CFAP299: variants seen among roughly 807,000 people sequenced by gnomAD.
CFAP299 encodes the protein cilia and flagella associated protein 299, also known as cilia- and flagella-associated protein 299.
Under a neutral mutation model 27.0 loss-of-function variants are expected in CFAP299, and 21 were observed. The ratio of observed to expected loss-of-function variants is 0.78; its 90% CI spans 0.55 to 1.12. CFAP299 has a LOEUF of 1.12. Ranked by LOEUF, CFAP299 falls within the 50% of genes most tolerant of loss-of-function variation. CFAP299 has a pLI of 0.00. For synonymous variants in CFAP299, 104 were observed against 98.1 expected (o/e 1.06, Z -0.36); for missense variants, 310 against 276.6 (o/e 1.12, Z -0.86).
intron 3 of CFAP299, among the ~76,000 whole-genome samples, chr4:80,823,066 C>G (rs928564898): frequency 2.8e-4 from 42 of 152,172 alleles, no homozygotes; most frequent in African/African-American, 9.7e-4. Flanking sequence ...TGAGCATGAC[C>G]TGAAGCTGGA....
At chr4:80,416,064 T>C (rs1726985914) in intron 2 of CFAP299, among the ~76,000 whole-genome samples, 3 of 152,344 alleles carry the variant, frequency 2.0e-5, no homozygotes, top group African/African-American at 7.2e-5. Context: ...GAAATTACTC[T>C]AAAGCCTTTT....
At chr4:80,638,596 A>C (rs571186487) in intron 3 of CFAP299, among the ~76,000 whole-genome samples, 67 of 152,326 alleles carry the variant, frequency 4.4e-4, no homozygotes, top group African/African-American at 1.6e-3. Context: ...GAATATAAGG[A>C]TGCAGCTACA....
chr4:80,379,952 C>T (rs1411153443), intron 2 of CFAP299, among the ~76,000 whole-genome samples: 1 of 152,018 alleles, frequency 6.6e-6, no homozygotes, highest in African/African-American at 2.4e-5. Flanking sequence ...CCTACTGTAT[C>T]CTTACTGATT....
intron 3 of CFAP299, chr4:80,648,872 A>C (rs1265119557): frequency 6.6e-6 from 1 of 152,136 alleles, no homozygotes; most frequent in Non-Finnish European, 1.5e-5. Flanking sequence ...TTTCTTTATC[A>C]GAAGATGTTT....
At chr4:80,436,859 T>G (rs1352148517) in intron 2 of CFAP299, among the ~76,000 whole-genome samples, 1 of 152,146 alleles carries the variant, frequency 6.6e-6, no homozygotes, top group Non-Finnish European at 1.5e-5. Context: ...ACATTGAAGG[T>G]GTTGATATTT....
intron 2 of CFAP299, among the ~76,000 whole-genome samples, chr4:80,565,848 G>T (rs1735256427): frequency 6.6e-6 from 1 of 152,112 alleles, no homozygotes; most frequent in African/African-American, 2.4e-5. Flanking sequence ...AATGAGTTAT[G>T]TTGGGGTTTT....
At chr4:80,699,121 G>T (rs986612766) in intron 3 of CFAP299, among the ~76,000 whole-genome samples, 1 of 152,094 alleles carries the variant, frequency 6.6e-6, no homozygotes, top group Non-Finnish European at 1.5e-5. Context: ...TTCTAATTCT[G>T]ATGCTTCTTC....
chr4:80,634,229 G>A (rs927161999), intron 3 of CFAP299, among the ~76,000 whole-genome samples: 3 of 152,032 alleles, frequency 2.0e-5, no homozygotes, highest in East Asian at 3.9e-4. Flanking sequence ...TGATCTGCCC[G>A]CCTCGGCCTC....
intron 5 of CFAP299, among the ~76,000 whole-genome samples, chr4:80,961,144 G>T (rs1738324895): frequency 6.6e-6 from 1 of 151,368 alleles, no homozygotes; most frequent in Non-Finnish European, 1.5e-5. Flanking sequence ...TCTGAATAAT[G>T]ATTCAATTTA....
At chr4:80,627,873 T>C (rs1738990591) in intron 3 of CFAP299, among the ~76,000 whole-genome samples, 1 of 152,044 alleles carries the variant, frequency 6.6e-6, no homozygotes, top group Admixed American at 6.6e-5. Context: ...TGTTCATAGA[T>C]TGGAAGATTT....
chr4:80,808,164 C>T (rs1728960601), intron 3 of CFAP299, among the ~76,000 whole-genome samples: 1 of 151,976 alleles, frequency 6.6e-6, no homozygotes, highest in Non-Finnish European at 1.5e-5. Context: ...CATTTTGATA[C>T]CGAAATAGTG....
intron 3 of CFAP299, among the ~76,000 whole-genome samples, chr4:80,808,246 C>T (rs1459108985): frequency 1.3e-5 from 2 of 151,940 alleles, no homozygotes; most frequent in Admixed American, 6.6e-5. Flanking sequence ...TTGACAAAAC[C>T]ATGTTTATTC....
chr4:80,954,692 C>T (rs1318937132), intron 5 of CFAP299, among the ~76,000 whole-genome samples: 1 of 151,904 alleles, frequency 6.6e-6, no homozygotes, highest in East Asian at 1.9e-4. Flanking sequence ...GGGGGGACAA[C>T]TTATTTTTAA....
At chr4:80,343,369 A>G (rs1188815553) in intron 1 of CFAP299, among the ~76,000 whole-genome samples, 1 of 152,238 alleles carries the variant, frequency 6.6e-6, no homozygotes, top group Non-Finnish European at 1.5e-5. Context: ...AACAGAATAT[A>G]CATTCTTCTC....
chr4:80,684,102 T>C (rs1290267632), intron 3 of CFAP299, among the ~76,000 whole-genome samples: 14 of 152,236 alleles, frequency 9.2e-5, no homozygotes, highest in Non-Finnish European at 2.9e-5. Flanking sequence ...CTATTACAGT[T>C]GTCCATATCT....
At chr4:80,404,113 T>A (rs1245247507) in intron 2 of CFAP299, among the ~76,000 whole-genome samples, 1 of 152,180 alleles carries the variant, frequency 6.6e-6, no homozygotes, top group Non-Finnish European at 1.5e-5. Flanking sequence ...ATATATCTTT[T>A]AAAAACTTAT....
intron 2 of CFAP299, among the ~76,000 whole-genome samples, chr4:80,515,401 G>A (rs1276403144): frequency 6.6e-6 from 1 of 152,112 alleles, no homozygotes; most frequent in African/African-American, 2.4e-5. Flanking sequence ...CATGCTAATT[G>A]CTATGCTCTC....
At chr4:80,857,065 C>A (rs1415312674) in intron 3 of CFAP299, among the ~76,000 whole-genome samples, 1 of 152,074 alleles carries the variant, frequency 6.6e-6, no homozygotes, top group African/African-American at 2.4e-5. Context: ...TTGTTTGTAT[C>A]CTCTTTTATT....
intron 3 of CFAP299, among the ~76,000 whole-genome samples, chr4:80,594,998 C>A (rs996677962): frequency 6.6e-6 from 1 of 152,140 alleles, no homozygotes; most frequent in Non-Finnish European, 1.5e-5. Context: ...CACCAAGTCC[C>A]AAGCTATGTG....
Sources: allele counts gnomAD v4.1 joint callset (sites outside exome capture counted in the v4.1 genomes callset), GRCh38; gene constraint gnomAD v4.1.1; transcripts MANE v1.5; gene names NCBI Gene and HGNC (gene_info 2026-07-23, HGNC 2026-07-21).